Variants in SPOCD1 observed in about 807,000 individuals in gnomAD.
SPOCD1 encodes SPOC domain-containing protein 1.
Under a neutral mutation model 92.2 loss-of-function variants are expected in SPOCD1, and 64 were observed. The ratio of observed to expected loss-of-function variants is 0.69; its 90% CI spans 0.57 to 0.86. The LOEUF (loss-of-function observed/expected upper bound fraction) is 0.86, where lower values mean the gene tolerates loss of function less well. Among genes scored for constraint, SPOCD1 ranks in the 40% least tolerant of loss-of-function variants. The pLI is 0.00. For missense variants in SPOCD1, 1,360 were observed against 1,543.1 expected (o/e 0.88, Z 1.99); for synonymous variants, 578 against 619.3 (o/e 0.93, Z 0.99).
At chr1:31,796,531 G>A (rs1470530330) in intron 10 of SPOCD1, 59 bp downstream of exon 10, 9 of 1,613,690 alleles carry the variant, frequency 5.6e-6, no homozygotes, top group East Asian at 2.2e-5. Context: ...CTGGTGAGGC[G>A]AGGCGTGGGA....
chr1:31,793,147 G>T, intron 13 of SPOCD1, 131 bp downstream of exon 13: 1 of 1,206,724 alleles, frequency 8.3e-7, no homozygotes, highest in Non-Finnish European at 1.1e-6. Flanking sequence ...CCCATGCCCT[G>T]CACAGGGCCA....
intron 2 of SPOCD1, among the ~76,000 whole-genome samples, chr1:31,804,705 A>G (rs1648696190): frequency 6.6e-6 from 1 of 152,184 alleles, no homozygotes; most frequent in Admixed American, 6.5e-5. Context: ...GATGAAAGGA[A>G]GAATTTTGAG....
chr1:31,801,681 C>T lies in SPOCD1; in HGVS notation c.1408G>A (p.Val470Met). ...AAACCTACGTAGCACACAAGCTTCA[C>T]TCCATGGGGTATTTTCACTTCCTCC... is the stretch of plus-strand genomic sequence containing the variant. The part of the protein sequence containing the change: ...RLEEVKIPHG[V>M]KLVCYLGSGP... The change falls in exon 3 of 16, where the codon GTG becomes ATG. Residue 470 changes from valine (V) to methionine (M), a missense_variant. This residue lies in a region of SPOCD1 where 606 missense variants were observed against 601.5 expected (regional missense o/e 1.01). Transcript: ENST00000360482. 6.2e-7 allele frequency: 1 copy of T among 1,613,950 alleles called. No homozygotes were observed. The highest frequency in any genetic ancestry group is 8.5e-7 in the Non-Finnish European group (1 of 1,179,942).
chr1:31,793,146 T>A (rs1229487770), intron 13 of SPOCD1, 132 bp downstream of exon 13: 11 of 1,189,938 alleles, frequency 9.2e-6, no homozygotes, highest in Non-Finnish European at 9.3e-6. Context: ...CCCCATGCCC[T>A]GCACAGGGCC....
intron 11 of SPOCD1, 77 bp from the exon 12 acceptor site, chr1:31,793,974 T>A: frequency 6.4e-7 from 1 of 1,551,648 alleles, no homozygotes. Context: ...AGAGCCAGGG[T>A]TGAACCAGGT....
Position 31,798,166 on chromosome 1 carries a change from C to T in SPOCD1, c.2145+41G>A. 1.3e-6 allele frequency: 2 copies of T among 1,493,802 alleles called. No individual in the cohort carries two copies. The highest frequency in any genetic ancestry group is 9.3e-7 in the Non-Finnish European group (1 of 1,070,494). The allele number at this position is 1,493,802 out of a possible 1,614,324, so 92.5% of individuals were successfully genotyped here. A position where few individuals can be genotyped will look rare whatever the true frequency, so the allele number is the denominator to read the frequency against. On this transcript the variant is annotated intron_variant, in intron 9 of 15. Transcript: ENST00000360482. This position sits in a 1 kb window ranked among gnomAD's most constrained non-coding sequence, Gnocchi z 4.1. ...CCACTCTCAGGCCACCCACTCTGCC[C>T]CTACATCCCCTCACCCATCCCGACT... is the stretch of plus-strand genomic sequence containing the variant.
rs1553199549 is a variant in SPOCD1 at position 31,804,985 on chromosome 1, C to CTTTCTTTTTT, written c.1384-3281_1384-3280insAAAAAAGAAA. ...AAATTTCTTTTTTCTTTCTTTCTTT[C>CTTTCTTTTTT]TTTTTTTTTTTTTTGAGATGGAGTC... On this transcript the variant is annotated intron_variant, in intron 2 of 15. Coordinates refer to ENST00000360482, the MANE Select transcript of SPOCD1 (RefSeq NM_144569.7). Among the ~76,000 whole-genome samples, 39 of 105,898 alleles carry CTTTCTTTTTT rather than the reference C, an allele frequency of 3.7e-4. 2 individuals are homozygous for CTTTCTTTTTT. In the South Asian group the frequency reaches 7.0e-3, roughly 19 times the overall value. 69.5% of individuals were successfully genotyped at this position (105,898 alleles called of 152,430 possible).
chr1:31,793,412 G>A lies in SPOCD1; in HGVS notation c.2551C>T (p.Leu851Phe). Residue 851 changes from leucine (L) to phenylalanine (F), a missense_variant, in exon 13 of 16, where the codon CTC (leucine) becomes TTC (phenylalanine). By Grantham distance (22) the Leu-to-Phe change is conservative. Transcript: ENST00000360482. Reference protein sequence around the residue: ...EPQDRVPPSGLHVPAAPTKAL... With the variant: ...EPQDRVPPSGFHVPAAPTKAL... ...TTTGTGGGTGCAGCAGGCACATGGA[G>A]CCCAGATGGAGGGACCCTAGAGGGA... 6.3e-7 allele frequency: 1 copy of A among 1,591,776 alleles called. No homozygotes were observed. The highest frequency in any genetic ancestry group is 8.6e-7 in the Non-Finnish European group (1 of 1,169,036).
Position 31,792,713 on chromosome 1 carries a change from C to A in SPOCD1, c.2740G>T (p.Asp914Tyr), listed in dbSNP as rs139771994. The A allele has an allele frequency of 5.6e-6, 9 of 1,607,614 alleles. No homozygotes were observed. The African/African-American group carries it at 1.2e-4, about 21-fold the overall frequency. Reference protein sequence around the residue: ...AGCIPSNIVWDLLASICPAKA... With the variant: ...AGCIPSNIVWYLLASICPAKA... Reference sequence around the variant, plus strand: ...GCTGGGCAGATGCTGGCCAGAAGGTCCCAGACAATGTTGGAGGGGATGCAG... The same window carrying A: ...GCTGGGCAGATGCTGGCCAGAAGGTACCAGACAATGTTGGAGGGGATGCAG... The change falls in exon 14 of 16, where the codon GAC becomes TAC. Residue 914 changes from aspartate to tyrosine, a missense_variant. Physicochemically the swap from Asp to Tyr is radical, Grantham distance 160. Transcript: ENST00000360482.
intron 2 of SPOCD1, among the ~76,000 whole-genome samples, chr1:31,802,346 C>G (rs993125613): frequency 2.6e-5 from 4 of 152,284 alleles, no homozygotes; most frequent in Admixed American, 2.0e-4. Flanking sequence ...CAGAATGACA[C>G]CATGAGGTAT....
At chr1:31,796,812 G>T in intron 9 of SPOCD1, 97 bp from the exon 10 acceptor site, 1 of 1,556,658 alleles carries the variant, frequency 6.4e-7, no homozygotes. Flanking sequence ...CCCCTCTCTT[G>T]TGGTTCCCCT....
rs529569876 is a variant in SPOCD1, at chr1:31,792,849, T to C, written c.2686-82A>G. 2,006 of 1,141,694 alleles carry C rather than the reference T, an allele frequency of 1.8e-3. 1 individual carries two copies. Among genetic ancestry groups the C allele is most frequent in the South Asian group, 2.9e-3 (218 of 76,072 alleles). The allele number at this position is 1,141,694 out of a possible 1,614,324, so 70.7% of individuals were successfully genotyped here. On this transcript the variant is annotated intron_variant, in intron 13 of 15. Coordinates refer to ENST00000360482, the MANE Select transcript of SPOCD1 (RefSeq NM_144569.7). Reference sequence around the variant, plus strand: ...ACGCATTCCCAGCCACCTGGAAGGCTGCAGCCTGTGGCAAATATGGGCAGG... The same window carrying C: ...ACGCATTCCCAGCCACCTGGAAGGCCGCAGCCTGTGGCAAATATGGGCAGG...
chr1:31,794,501 C>CTTTTTTTTTTTTT (rs869084604), intron 10 of SPOCD1: 2 of 76,922 alleles, frequency 2.6e-5, no homozygotes, highest in Admixed American at 1.9e-4. Context: ...TTTTTCTTTT[C>CTTTTTTTTTTTTT]TTTTTTTTTT....
chr1:31,803,806 G>A (rs895285928), intron 2 of SPOCD1, among the ~76,000 whole-genome samples: 15 of 150,422 alleles, frequency 1.0e-4, no homozygotes, highest in Admixed American at 2.7e-4. Context: ...AAAGGGAAAG[G>A]AAAGGAAAGG....
intron 2 of SPOCD1, among the ~76,000 whole-genome samples, chr1:31,812,855 C>A (rs1425696696): frequency 2.6e-5 from 4 of 152,230 alleles, no homozygotes; most frequent in African/African-American, 9.6e-5. Context: ...GGGTCTGTAA[C>A]CTCACCTCCG....
In SPOCD1 at chr1:31,793,379, G is replaced by A; in HGVS notation, c.2584C>T (p.Pro862Ser). 1 of 1,592,418 alleles carries A rather than the reference G, an allele frequency of 6.3e-7. No homozygotes were observed. Among genetic ancestry groups the A allele is most frequent in the Non-Finnish European group, 8.6e-7 (1 of 1,169,394 alleles). The change falls in exon 13 of 16, where the codon CCC becomes TCC. Residue 862 changes from proline (P) to serine (S), a missense_variant. Physicochemically the swap from Pro to Ser is moderately conservative, Grantham distance 74 (BLOSUM62 -1). Transcript: ENST00000360482. ...HVPAAPTKAL[P>S]CLPPWEGVLD... is the part of the protein sequence containing the mutation. The stretch of plus-strand genomic sequence containing the variant: ...ACACCTTCCCAGGGTGGCAGGCAGG[G>A]CAGGGCCTTTGTGGGTGCAGCAGGC...
chr1:31,807,755 AGATT>A (rs1648930995), intron 2 of SPOCD1, among the ~76,000 whole-genome samples: 1 of 152,092 alleles, frequency 6.6e-6, no homozygotes, highest in African/African-American at 2.4e-5. Context: ...TTGTCTGACA[AGATT>A]GATTAAGGAA....
chr1:31,793,322 C>T lies in SPOCD1; in HGVS notation c.2641G>A (p.Ala881Thr), dbSNP rs1222961155. 6.3e-7 allele frequency: 1 copy of T among 1,591,026 alleles called. No homozygotes were observed. The highest frequency in any genetic ancestry group is 8.6e-7 in the Non-Finnish European group (1 of 1,168,770). Residue 881 changes from alanine to threonine, a missense_variant, in exon 13 of 16, where the codon GCC (alanine) becomes ACC (threonine). Physicochemically the swap from Ala to Thr is moderately conservative, Grantham distance 58. Coordinates refer to ENST00000360482, the MANE Select transcript of SPOCD1 (RefSeq NM_144569.7). ...TGTCCCGAGACCAGCTGGGCCCTGG[C>T]CCGGAACCGCTTGATGGAGAACATG... ...LDMFSIKRFR[A>T]RAQLVSGHSC...
chr1:31,800,732 C>T (rs1249931015), intron 3 of SPOCD1, 115 bp from the exon 4 acceptor site: 3 of 941,858 alleles, frequency 3.2e-6, no homozygotes, highest in African/African-American at 1.7e-5. Flanking sequence ...GTGTAAGCTC[C>T]GTGAGGATAG....
Sources: gnomAD v4.1 joint callset for allele counts (sites outside exome capture counted in the v4.1 genomes callset) on GRCh38, gnomAD v4.1.1 for gene constraint, gnomAD v4.1.1 regional missense constraint, Gnocchi (gnomAD v3.1) non-coding constraint, MANE v1.5 for transcripts, NCBI Gene and HGNC (gene_info 2026-07-23, HGNC 2026-07-21) for gene names.